Variants in ROBO2 observed in about 807,000 individuals in gnomAD.
The protein encoded by ROBO2 is roundabout guidance receptor 2.
Under a neutral mutation model 160.8 loss-of-function variants are expected in ROBO2, and 53 were observed. The observed-to-expected ratio is 0.33, with a 90% CI of 0.26 to 0.41. ROBO2 has a LOEUF of 0.41. ROBO2 is among the 10% of genes least tolerant of loss of function. The probability of loss-of-function intolerance (pLI) is 1.00; values close to 1 mark genes in which losing one functional copy is unlikely to be tolerated. For synonymous variants in ROBO2, 664 were observed against 611.7 expected (o/e 1.09, Z -1.26); for missense variants, 1,577 against 1,722.4 (o/e 0.92, Z 1.49).
At chr3:76,030,859 T>A (rs1391147833) in intron 2 of ROBO2, among the ~76,000 whole-genome samples, 2 of 152,236 alleles carry the variant, frequency 1.3e-5, no homozygotes, top group Non-Finnish European at 2.9e-5. Context: ...GGCTCTTTTT[T>A]GGTTCCATAT....
chr3:75,975,095 A>G (rs2065101512), intron 2 of ROBO2, among the ~76,000 whole-genome samples: 1 of 151,524 alleles, frequency 6.6e-6, no homozygotes, highest in South Asian at 2.1e-4. Context: ...TTGGAAGAAG[A>G]TACATACTTC....
intron 2 of ROBO2, among the ~76,000 whole-genome samples, chr3:76,581,104 C>T (rs530576067): frequency 8.0e-4 from 122 of 152,200 alleles, no homozygotes; most frequent in African/African-American, 2.8e-3. Context: ...TATGTACTGT[C>T]CTGAGGTATT....
At chr3:76,273,796 G>T (rs1707755218) in intron 2 of ROBO2, among the ~76,000 whole-genome samples, 1 of 152,106 alleles carries the variant, frequency 6.6e-6, no homozygotes, top group Non-Finnish European at 1.5e-5. Flanking sequence ...TGGGGATTAT[G>T]GGAACTACAA....
At chr3:77,343,549 G>C (rs1205706420) in intron 2 of ROBO2, among the ~76,000 whole-genome samples, 1 of 152,034 alleles carries the variant, frequency 6.6e-6, no homozygotes, top group Non-Finnish European at 1.5e-5. Context: ...CATATGCAGG[G>C]GGATACAGAC....
intron 9 of ROBO2, 40 bp downstream of exon 10, chr3:77,558,189 C>A: frequency 6.7e-7 from 1 of 1,502,932 alleles, no homozygotes; most frequent in Non-Finnish European, 9.3e-7. Context: ...ATCATCTACA[C>A]ATAAGTACTG....
chr3:76,146,478 T>C (rs953657275), intron 2 of ROBO2, among the ~76,000 whole-genome samples: 37 of 152,038 alleles, frequency 2.4e-4, no homozygotes, highest in African/African-American at 8.7e-4. Context: ...GTGTCTCTGC[T>C]ACTTCAAATC....
intron 2 of ROBO2, among the ~76,000 whole-genome samples, chr3:76,634,660 AT>A (rs2090220429): frequency 6.6e-6 from 1 of 151,096 alleles, no homozygotes; most frequent in Admixed American, 6.6e-5. Flanking sequence ...CAAAGGCTCT[AT>A]CTCCAAACAC....
At chr3:77,168,587 A>AT (rs2079324823) in intron 2 of ROBO2, among the ~76,000 whole-genome samples, 1 of 152,060 alleles carries the variant, frequency 6.6e-6, no homozygotes, top group African/African-American at 2.4e-5. Context: ...AGTTGTAATT[A>AT]TTTTTCACCT....
chr3:76,989,642 T>C (rs1180464070), intron 2 of ROBO2, among the ~76,000 whole-genome samples: 1 of 152,132 alleles, frequency 6.6e-6, no homozygotes, highest in Non-Finnish European at 1.5e-5. Context: ...ATCATTATAC[T>C]GTGTTTGGAG....
intron 2 of ROBO2, among the ~76,000 whole-genome samples, chr3:76,906,616 G>A (rs2075624143): frequency 6.6e-6 from 1 of 152,004 alleles, no homozygotes; most frequent in Non-Finnish European, 1.5e-5. Context: ...TTGTTATCCA[G>A]TTTACAGATG....
At chr3:76,703,166 A>G (rs1024259423) in intron 2 of ROBO2, among the ~76,000 whole-genome samples, 4 of 152,148 alleles carry the variant, frequency 2.6e-5, no homozygotes, top group African/African-American at 9.7e-5. Flanking sequence ...ATGGCAGTGC[A>G]ATACTATAAA....
rs572241591 is a variant in ROBO2 at position 77,644,824 on chromosome 3, G to A, written c.4055G>A (p.Gly1352Asp). 108 of 1,614,112 alleles carry A rather than the reference G, an allele frequency of 6.7e-5. 1 individual carries two copies. The South Asian group carries it at 1.2e-3, about 17-fold the overall frequency. ...AGGAAAACCGAGGTGTTGAGAGCAGGCCACCAGCGCAATGCCAGCGACCTT... is the reference window on the plus strand; with the variant it reads ...AGGAAAACCGAGGTGTTGAGAGCAGACCACCAGCGCAATGCCAGCGACCTT... The change falls in exon 25 of 26, where the codon GGC (glycine) becomes GAC (aspartate). Residue 1352 changes from glycine (G) to aspartate (D), a missense_variant. By Grantham distance (94) the Gly-to-Asp change is moderately conservative. Transcript: ENST00000461745.
At chr3:76,729,372 C>A (rs572842642) in intron 2 of ROBO2, among the ~76,000 whole-genome samples, 1 of 152,176 alleles carries the variant, frequency 6.6e-6, no homozygotes, top group Non-Finnish European at 1.5e-5. Flanking sequence ...AATACTCTCT[C>A]CCCTTTTGCA....
At chr3:76,244,124 C>A (rs927274730) in intron 2 of ROBO2, among the ~76,000 whole-genome samples, 6 of 152,062 alleles carry the variant, frequency 3.9e-5, no homozygotes, top group African/African-American at 1.4e-4. Context: ...GATTATTATT[C>A]TTTTCTATTT....
intron 2 of ROBO2, among the ~76,000 whole-genome samples, chr3:76,934,366 T>C (rs1469214968): frequency 6.6e-6 from 1 of 152,156 alleles, no homozygotes; most frequent in African/African-American, 2.4e-5. Flanking sequence ...TTTTGTGGAA[T>C]GTATGATTTG....
intron 2 of ROBO2, among the ~76,000 whole-genome samples, chr3:77,330,074 C>A (rs1216227281): frequency 6.6e-6 from 1 of 152,078 alleles, no homozygotes; most frequent in Non-Finnish European, 1.5e-5. Flanking sequence ...ATTTACTCCT[C>A]TCCTCTACCC....
chr3:77,595,051 C>T (rs1443577331), intron 17 of ROBO2, 91 bp from the exon 19 acceptor site: 1 of 1,043,702 alleles, frequency 9.6e-7, no homozygotes, highest in African/African-American at 1.6e-5. Flanking sequence ...GGCCTCAGCT[C>T]TAAACTAAGG....
chr3:77,502,490 C>T (rs2153608412), intron 5 of ROBO2, among the ~76,000 whole-genome samples: 1 of 152,034 alleles, frequency 6.6e-6, no homozygotes, highest in Middle Eastern at 3.4e-3. Context: ...AATGTTTTAA[C>T]TTGTATTCTT....
intron 2 of ROBO2, among the ~76,000 whole-genome samples, chr3:76,050,016 G>A (rs73841097): frequency 0.021 from 3,127 of 152,280 alleles, 44 homozygotes; most frequent in East Asian, 0.081. Flanking sequence ...CCATTCCCCA[G>A]TGTGATGGTT....
Sources: gnomAD v4.1 joint callset for allele counts (sites outside exome capture counted in the v4.1 genomes callset) on GRCh38, gnomAD v4.1.1 for gene constraint, MANE v1.5 for transcripts, NCBI Gene and HGNC (gene_info 2026-07-23, HGNC 2026-07-21) for gene names.